The following CDKN2B-AS1 variants were observed in gnomAD, a reference collection of about 807,000 sequenced individuals.
CDKN2B-AS1 encodes the protein CDKN2B and CDKN2A antisense cis and trans regulatory RNA 1, also known as CDKN2B antisense RNA 1 (non-protein coding).
At chr9:22,103,131 ATG>A (rs3221506) in intron 4 of CDKN2B-AS1, among the ~76,000 whole-genome samples, 7,090 of 132,376 alleles carry the variant, frequency 0.054, 268 homozygotes, top group African/African-American at 0.1. Context: ...TCTAGAACAG[ATG>A]TGTGTGTGTG....
intron 4 of CDKN2B-AS1, among the ~76,000 whole-genome samples, chr9:22,085,338 A>G (rs2131334695): frequency 6.6e-6 from 1 of 152,282 alleles, no homozygotes; most frequent in East Asian, 1.9e-4. Flanking sequence ...TGCCAAGTGC[A>G]TTCCTTATTC....
rs190274812 is a variant in CDKN2B-AS1, at chr9:22,058,152, C to T, written n.438+1765C>T. On this transcript the variant is annotated intron_variant and non_coding_transcript_variant, in intron 4 of 4. Transcript: ENST00000650946. ...GAGGCTACAGTGAGCCGAGATTGCG[C>T]CATTGCACTTCAGCCTGGGCAGCAA... Among the ~76,000 whole-genome samples the T allele has an allele frequency of 2.6e-3, 395 of 152,246 alleles. 1 individual carries two copies. Among genetic ancestry groups the T allele is most frequent in the African/African-American group, 9.1e-3 (380 of 41,544 alleles).
chr9:22,067,082 G>C (rs1365527592), intron 4 of CDKN2B-AS1, among the ~76,000 whole-genome samples: 1 of 152,138 alleles, frequency 6.6e-6, no homozygotes, highest in African/African-American at 2.4e-5. Flanking sequence ...GGAGAGGAGG[G>C]AGGGATAGCA....
rs1821221301 is a variant in CDKN2B-AS1 at position 22,006,965 on chromosome 9, T to C, written n.29+11804T>C. Among the ~76,000 whole-genome samples the C allele has an allele frequency of 6.6e-6, 1 of 152,124 alleles. No homozygotes were observed. The highest frequency in any genetic ancestry group is 6.5e-5 in the Admixed American group (1 of 15,284). On this transcript the variant is annotated intron_variant and non_coding_transcript_variant, in intron 1 of 4. Coordinates refer to ENST00000650946, the Ensembl canonical transcript of CDKN2B-AS1. The surrounding 1 kb of genome is among the most constrained non-coding windows in gnomAD (Gnocchi z 6.4). ...AGTTCATCATTTTAAATTTAGACTA[T>C]AATATTTTTAATGTAATATAAAACT...
Position 22,013,411 on chromosome 9 carries a change from T to C in CDKN2B-AS1, n.29+18250T>C, listed in dbSNP as rs553358217. Among the ~76,000 whole-genome samples, 7 of 152,296 alleles carry C rather than the reference T, an allele frequency of 4.6e-5. No homozygotes were observed. In the South Asian group the frequency reaches 1.5e-3, roughly 32 times the overall value. On this transcript the variant is annotated intron_variant and non_coding_transcript_variant, in intron 1 of 4. Coordinates refer to ENST00000650946, the Ensembl canonical transcript of CDKN2B-AS1. ...TAAAATAAGGCTAGGATATTGAAAT[T>C]GGTTGAAATTGCTACAGTCTCTTGT... is the stretch of plus-strand genomic sequence containing the variant.
Position 22,024,875 on chromosome 9 carries a change from G to A in CDKN2B-AS1, n.30-21876G>A, listed in dbSNP as rs527811222. Among the ~76,000 whole-genome samples, 6 of 152,298 alleles carry A rather than the reference G, an allele frequency of 3.9e-5. No individual in the cohort carries two copies. In the South Asian group the frequency reaches 1.0e-3, roughly 26 times the overall value. ...TCAGGCATGGCCCACTGGTGCAGAA[G>A]CTATTCTGTGGGCCACCACAGCACC... On this transcript the variant is annotated intron_variant and non_coding_transcript_variant, in intron 1 of 4. Coordinates refer to ENST00000650946, the Ensembl canonical transcript of CDKN2B-AS1.
At chr9:22,019,358 T>A (rs1336963427) in intron 1 of CDKN2B-AS1, among the ~76,000 whole-genome samples, 2 of 152,128 alleles carry the variant, frequency 1.3e-5, no homozygotes, top group Non-Finnish European at 1.5e-5. Flanking sequence ...GAGGATAGGT[T>A]ATGGTAGCTT....
chr9:22,065,337 A>T (rs1416496077), intron 4 of CDKN2B-AS1, among the ~76,000 whole-genome samples: 1 of 152,142 alleles, frequency 6.6e-6, no homozygotes, highest in East Asian at 1.9e-4. Flanking sequence ...CTAAGCAAAG[A>T]TTGCCAGCCT....
chr9:22,024,429 G>T (rs1483698497), intron 1 of CDKN2B-AS1, among the ~76,000 whole-genome samples: 1 of 152,224 alleles, frequency 6.6e-6, no homozygotes, highest in Non-Finnish European at 1.5e-5. Flanking sequence ...GGAACAGGAG[G>T]CTCCTGCTAT....
chr9:22,045,461 T>C (rs1823069171), intron 1 of CDKN2B-AS1, among the ~76,000 whole-genome samples: 1 of 152,112 alleles, frequency 6.6e-6, no homozygotes, highest in Non-Finnish European at 1.5e-5. Flanking sequence ...TAGTTTGCTT[T>C]TGGCACAAGT....
intron 4 of CDKN2B-AS1, among the ~76,000 whole-genome samples, chr9:22,100,564 G>T (rs767411316): frequency 6.6e-6 from 1 of 152,074 alleles, no homozygotes; most frequent in Non-Finnish European, 1.5e-5. Flanking sequence ...CTGTTCATCA[G>T]TTGAAGAACA....
At chr9:22,040,897 C>T (rs1265119668) in intron 1 of CDKN2B-AS1, among the ~76,000 whole-genome samples, 4 of 152,072 alleles carry the variant, frequency 2.6e-5, no homozygotes, top group Non-Finnish European at 4.4e-5. Context: ...GGTTCCCTGA[C>T]TTCCCAGGCC....
intron 4 of CDKN2B-AS1, among the ~76,000 whole-genome samples, chr9:22,108,077 T>C (rs1825705865): frequency 6.6e-6 from 1 of 152,236 alleles, no homozygotes. Flanking sequence ...TTGCTGTGAC[T>C]TTGTCTGATA....
chr9:22,067,791 T>G (rs1824121259), intron 4 of CDKN2B-AS1, among the ~76,000 whole-genome samples: 2 of 152,286 alleles, frequency 1.3e-5, no homozygotes, highest in Admixed American at 1.3e-4. Context: ...TAGCTTTATG[T>G]TCCAGTTCAG....
exon 5 of CDKN2B-AS1, among the ~76,000 whole-genome samples, chr9:22,127,239 G>A (rs549743214): frequency 2.3e-4 from 35 of 152,016 alleles, no homozygotes; most frequent in Non-Finnish European, 4.6e-4. Context: ...CTGCCACCAC[G>A]CCCAGCTAAT....
chr9:22,116,952 A>G (rs72654256), intron 4 of CDKN2B-AS1, among the ~76,000 whole-genome samples: 5 of 152,260 alleles, frequency 3.3e-5, no homozygotes, highest in Middle Eastern at 3.2e-3. Flanking sequence ...AAAGGCCTCA[A>G]GTAAACTTGA....
intron 1 of CDKN2B-AS1, among the ~76,000 whole-genome samples, chr9:22,026,169 T>C (rs891446129): frequency 7.9e-5 from 12 of 151,926 alleles, no homozygotes; most frequent in African/African-American, 2.7e-4. Context: ...CACCCCTGCT[T>C]AAGCTCCCCA....
rs192756265 is a variant in CDKN2B-AS1, at chr9:22,006,765, T to C, written n.29+11604T>C. Among the ~76,000 whole-genome samples, 10 of 152,196 alleles carry C rather than the reference T, an allele frequency of 6.6e-5. No individual in the cohort carries two copies. The South Asian group carries it at 2.1e-3, about 32-fold the overall frequency. On this transcript the variant is annotated intron_variant and non_coding_transcript_variant, in intron 1 of 4. Transcript: ENST00000650946. The surrounding 1 kb of genome is among the most constrained non-coding windows in gnomAD (Gnocchi z 6.4). ...TAAGTTTTTTTCTTTCTTTTTTTTT[T>C]AATTTATTTAGTTCTCATAGCAAAT...
At chr9:22,056,067 C>T (rs1216389392) in intron 3 of CDKN2B-AS1, among the ~76,000 whole-genome samples, 8 of 142,942 alleles carry the variant, frequency 5.6e-5, no homozygotes, top group Non-Finnish European at 1.1e-4. Flanking sequence ...TTTTTTGAGA[C>T]GGAGTCTTGC....
Sources: gnomAD v4.1 joint callset for allele counts (sites outside exome capture counted in the v4.1 genomes callset) on GRCh38, gnomAD v4.1.1 for gene constraint, Gnocchi (gnomAD v3.1) non-coding constraint, MANE v1.5 for transcripts, NCBI Gene and HGNC (gene_info 2026-07-23, HGNC 2026-07-21) for gene names.